CNTNAP2: variants seen among roughly 807,000 people sequenced by gnomAD.
The protein encoded by CNTNAP2 is contactin associated protein 2.
CNTNAP2 carries 98 observed loss-of-function variants against 155.2 expected under a neutral mutation model. That is an observed-to-expected ratio of 0.63 (90% confidence interval 0.54 to 0.75). The LOEUF (loss-of-function observed/expected upper bound fraction) is 0.75, where lower values mean the gene tolerates loss of function less well. Ranked by LOEUF, CNTNAP2 falls within the 30% of genes least tolerant of loss-of-function variation. The pLI is 0.00. For synonymous variants in CNTNAP2, 651 were observed against 631.2 expected, an observed-to-expected ratio of 1.03 and a Z score of -0.47; for missense variants, 1,727 against 1,688.1, an observed-to-expected ratio of 1.02 and a Z score of -0.40.
intron 10 of CNTNAP2, among the ~76,000 whole-genome samples, chr7:147,430,946 G>A (rs1176757035): frequency 6.6e-6 from 1 of 151,952 alleles, no homozygotes; most frequent in Non-Finnish European, 1.5e-5. Context: ...TACTCGGGAG[G>A]CTGAGGCAGG....
chr7:148,182,745 C>T (rs749683240), intron 18 of CNTNAP2, among the ~76,000 whole-genome samples: 33 of 152,144 alleles, frequency 2.2e-4, no homozygotes, highest in Non-Finnish European at 2.8e-4. Flanking sequence ...TATGAAGAGC[C>T]AGCTGCTCTC....
chr7:147,724,442 G>A (rs986902532), intron 13 of CNTNAP2, among the ~76,000 whole-genome samples: 4 of 152,032 alleles, frequency 2.6e-5, no homozygotes, highest in African/African-American at 9.7e-5. Context: ...CACAGTTGCA[G>A]GGTCTGTTTT....
At chr7:147,196,281 C>T (rs898199872) in intron 8 of CNTNAP2, among the ~76,000 whole-genome samples, 30 of 152,324 alleles carry the variant, frequency 2.0e-4, no homozygotes, top group African/African-American at 6.3e-4. Context: ...TTCATATTTT[C>T]ATTGATGGCT....
chr7:146,888,060 A>G (rs753680859), intron 3 of CNTNAP2, among the ~76,000 whole-genome samples: 7 of 152,100 alleles, frequency 4.6e-5, no homozygotes, highest in East Asian at 3.9e-4. Flanking sequence ...GAATTAATCT[A>G]TCATCCATTG....
chr7:146,875,932 A>T (rs1374287781), intron 3 of CNTNAP2, among the ~76,000 whole-genome samples: 1 of 61,182 alleles, frequency 1.6e-5, no homozygotes, highest in Admixed American at 1.8e-4. Context: ...ACACATACAC[A>T]GCAAAAAAAA....
chr7:147,584,882 C>A (rs548429898), intron 12 of CNTNAP2, among the ~76,000 whole-genome samples: 1 of 152,148 alleles, frequency 6.6e-6, no homozygotes. Flanking sequence ...ATCCTCAGCT[C>A]CCAGGATCAG....
intron 3 of CNTNAP2, among the ~76,000 whole-genome samples, chr7:147,029,919 G>A (rs1339741930): frequency 2.0e-5 from 3 of 152,078 alleles, no homozygotes; most frequent in East Asian, 3.9e-4. Flanking sequence ...CTTATAAAAA[G>A]CTCTTGGTTC....
At chr7:148,014,122 T>C (rs1002895336) in intron 15 of CNTNAP2, 4 of 152,116 alleles carry the variant, frequency 2.6e-5, no homozygotes, top group Admixed American at 6.5e-5. Flanking sequence ...ACTATAGCAT[T>C]TATGGGAAAC....
chr7:146,433,897 C>A (rs907788601), intron 1 of CNTNAP2, among the ~76,000 whole-genome samples: 1 of 152,158 alleles, frequency 6.6e-6, no homozygotes, highest in Non-Finnish European at 1.5e-5. Context: ...CTAACCACAG[C>A]TTCCACCTTT....
chr7:148,108,406 A>G (rs1804270343), intron 15 of CNTNAP2, among the ~76,000 whole-genome samples: 1 of 151,960 alleles, frequency 6.6e-6, no homozygotes, highest in Non-Finnish European at 1.5e-5. Flanking sequence ...TAGGGAGTAC[A>G]GAGTTTTGGA....
At chr7:147,585,163 C>T (rs1294663489) in intron 12 of CNTNAP2, among the ~76,000 whole-genome samples, 1 of 152,058 alleles carries the variant, frequency 6.6e-6, no homozygotes, top group Admixed American at 6.6e-5. Flanking sequence ...ATGTCGGTTC[C>T]AAATCAGCAG....
chr7:146,881,091 C>A (rs534852338), intron 3 of CNTNAP2, among the ~76,000 whole-genome samples: 52 of 152,176 alleles, frequency 3.4e-4, no homozygotes, highest in African/African-American at 1.2e-3. Context: ...TTTTAAAAAT[C>A]CTTCCAGAAT....
intron 9 of CNTNAP2, among the ~76,000 whole-genome samples, chr7:147,338,331 C>T (rs1358728469): frequency 7.6e-6 from 1 of 131,182 alleles, no homozygotes; most frequent in Non-Finnish European, 1.6e-5. Context: ...AAATTTTTAG[C>T]CTAAGTATTT....
At chr7:146,142,987 G>T (rs1463998040) in intron 1 of CNTNAP2, among the ~76,000 whole-genome samples, 1 of 152,034 alleles carries the variant, frequency 6.6e-6, no homozygotes, top group African/African-American at 2.4e-5. Context: ...CTGCCTTTTT[G>T]GTATTTTTCC....
At chr7:147,984,231 C>G (rs1801579705) in intron 15 of CNTNAP2, among the ~76,000 whole-genome samples, 1 of 152,170 alleles carries the variant, frequency 6.6e-6, no homozygotes, top group South Asian at 2.1e-4. Flanking sequence ...TTCTTTACTG[C>G]AACCTGTTTT....
intron 1 of CNTNAP2, among the ~76,000 whole-genome samples, chr7:146,549,505 T>C (rs975155385): frequency 6.6e-6 from 1 of 152,082 alleles, no homozygotes; most frequent in African/African-American, 2.4e-5. Context: ...TTTTGATTAA[T>C]AGTTTAGGCT....
At chr7:146,814,978 A>C (rs1354309091) in intron 2 of CNTNAP2, among the ~76,000 whole-genome samples, 1 of 152,134 alleles carries the variant, frequency 6.6e-6, no homozygotes, top group East Asian at 1.9e-4. Flanking sequence ...AATAGAAATA[A>C]TTTTCCTTTA....
rs537495115 is a variant in CNTNAP2, at chr7:147,225,023, C to A, written c.1349-75118C>A. Among the ~76,000 whole-genome samples, 8 of 152,208 alleles carry A rather than the reference C, an allele frequency of 5.3e-5. No individual in the cohort carries two copies. The South Asian group carries it at 8.3e-4, about 16-fold the overall frequency. ...CTTGTCCAGTATGTTGTGAGCACAG[C>A]GTAGAACATTTGATAAAGACTTAGT... On this transcript the variant is annotated intron_variant, in intron 8 of 23. Transcript: ENST00000361727.
chr7:146,895,682 C>T (rs768483920), intron 3 of CNTNAP2, among the ~76,000 whole-genome samples: 2 of 152,032 alleles, frequency 1.3e-5, no homozygotes, highest in Non-Finnish European at 2.9e-5. Context: ...GGCTCTTAGA[C>T]AATTACATGG....
Sources: gnomAD v4.1 joint callset for allele counts (sites outside exome capture counted in the v4.1 genomes callset) on GRCh38, gnomAD v4.1.1 for gene constraint, MANE v1.5 for transcripts, NCBI Gene and HGNC (gene_info 2026-07-23, HGNC 2026-07-21) for gene names.